Variants in GPR132 observed in about 807,000 individuals in gnomAD.
GPR132 encodes the protein G protein-coupled receptor 132.
A neutral mutation model predicts 1.9 loss-of-function variants in GPR132; 4 were observed. The observed-to-expected ratio is 2.13, with a 90% CI of 1.05 to 4.87. The LOEUF (loss-of-function observed/expected upper bound fraction) is 4.87. Among genes scored for constraint, GPR132 ranks in the 30% most tolerant of loss-of-function variants. The pLI, the probability that GPR132 is intolerant of heterozygous loss-of-function variation, is 0.01. For synonymous variants in GPR132, 233 were observed against 234.2 expected (o/e 0.99, Z 0.05); for missense variants, 404 against 512.5 (o/e 0.79, Z 2.04).
chr14:105,052,822 G>C (rs141140658), intron 3 of GPR132, among the ~76,000 whole-genome samples: 2 of 151,682 alleles, frequency 1.3e-5, no homozygotes, highest in Admixed American at 1.3e-4. Context: ...AGTTGGGCGT[G>C]CTGGCTCGCA....
intron 1 of GPR132, among the ~76,000 whole-genome samples, chr14:105,064,809 G>A (rs1189742643): frequency 2.6e-5 from 4 of 152,128 alleles, no homozygotes; most frequent in African/African-American, 7.2e-5. Context: ...CCCCCGCCCC[G>A]CTGTGCCTGG....
chr14:105,056,291 C>A lies in GPR132; in HGVS notation c.-746-125G>T. On this transcript the variant is annotated intron_variant, in intron 2 of 3. Transcript: ENST00000329797. The surrounding 1 kb of genome is among the most constrained non-coding windows in gnomAD (Gnocchi z 6.0). ...GAAGGCAGTTCTCGGGTGGGAGGCCCAACGCCTGTGTTTGCACTCACTGTT... is the reference window on the plus strand; with the variant it reads ...GAAGGCAGTTCTCGGGTGGGAGGCCAAACGCCTGTGTTTGCACTCACTGTT... 3.3e-6 allele frequency: 1 copy of A among 305,628 alleles called. No individual in the cohort carries two copies. The highest frequency in any genetic ancestry group is 4.8e-6 in the Non-Finnish European group (1 of 208,526). 18.9% of individuals were successfully genotyped at this position (305,628 alleles called of 1,614,324 possible). A position where few individuals can be genotyped will look rare whatever the true frequency, so the allele number is the denominator to read the frequency against.
rs1264396522 is a variant in GPR132 at position 105,056,376 on chromosome 14, T to C, written c.-746-210A>G. ...TGCCCCAGCCCCGCTGTGCGAGTCC[T>C]GAGCTCAGAGGAAGTTTCGGGCCCC... On this transcript the variant is annotated intron_variant, in intron 2 of 3. Coordinates refer to ENST00000329797, the MANE Select transcript of GPR132 (RefSeq NM_013345.4). The surrounding 1 kb of genome is among the most constrained non-coding windows in gnomAD (Gnocchi z 6.0). Among the ~76,000 whole-genome samples, 1 of 152,194 alleles carries C rather than the reference T, an allele frequency of 6.6e-6. No homozygotes were observed. The highest frequency in any genetic ancestry group is 2.4e-5 in the African/African-American group (1 of 41,462).
Position 105,050,012 on chromosome 14 carries a change from T to C in GPR132, c.*982A>G, listed in dbSNP as rs1399116651. 3 of 152,348 alleles carry C rather than the reference T, an allele frequency of 2.0e-5. No individual in the cohort carries two copies. In the East Asian group the frequency reaches 5.8e-4, roughly 30 times the overall value. The allele number at this position is 152,348 out of a possible 1,614,324, so 9.4% of individuals were successfully genotyped here. A position where few individuals can be genotyped will look rare whatever the true frequency, so the allele number is the denominator to read the frequency against. ...CGAGGTGTCGGGGCAGGGAGGAGGA[T>C]TGATCTCGATGGTGACCCAGTGAGG... On this transcript the variant is annotated 3_prime_UTR_variant, in exon 4 of 4. Coordinates refer to ENST00000329797, the MANE Select transcript of GPR132 (RefSeq NM_013345.4). This position sits in a 1 kb window ranked among gnomAD's most constrained non-coding sequence, Gnocchi z 4.0.
rs909231081 is a variant in GPR132 at position 105,056,363 on chromosome 14, G to A, written c.-746-197C>T. 3.9e-5 allele frequency among the ~76,000 whole-genome samples: 6 copies of A among 152,174 alleles called. No homozygotes were observed. Among genetic ancestry groups the A allele is most frequent in the African/African-American group, 1.4e-4 (6 of 41,448 alleles). On this transcript the variant is annotated intron_variant, in intron 2 of 3. Coordinates refer to ENST00000329797, the MANE Select transcript of GPR132 (RefSeq NM_013345.4). This position sits in a 1 kb window ranked among gnomAD's most constrained non-coding sequence, Gnocchi z 6.0. ...CCCATCAAACGAGTGCCCCAGCCCCGCTGTGCGAGTCCTGAGCTCAGAGGA... is the reference window on the plus strand; with the variant it reads ...CCCATCAAACGAGTGCCCCAGCCCCACTGTGCGAGTCCTGAGCTCAGAGGA...
chr14:105,051,875 C>T lies in GPR132; in HGVS notation c.262G>A (p.Glu88Lys). 4.3e-6 allele frequency: 7 copies of T among 1,613,730 alleles called. No individual in the cohort carries two copies. The highest frequency in any genetic ancestry group is 2.2e-5 in the East Asian group (1 of 44,878). ...GGCAGCGTGCCTGTGTACAGCAGCT[C>T]GCAGAGTGCCAGGCAGAGCAGGTAG... is the stretch of plus-strand genomic sequence containing the variant. ...AVYLLCLALC[E>K]LLYTGTLPLW... The change falls in exon 4 of 4, where the codon GAG (glutamate) becomes AAG (lysine). Residue 88 changes from glutamate to lysine, a missense_variant. Glu to Lys is a moderately conservative substitution (Grantham distance 56). Coordinates refer to ENST00000329797, the MANE Select transcript of GPR132 (RefSeq NM_013345.4). This position sits in a 1 kb window ranked among gnomAD's most constrained non-coding sequence, Gnocchi z 8.0.
chr14:105,050,664 A>G lies in GPR132; in HGVS notation c.*330T>C, dbSNP rs1358965177. The stretch of plus-strand genomic sequence containing the variant: ...CGCCACTGATGCGAACAGGGCAGCC[A>G]CCAGGTACCTCTGCCAGCAGGCGTG... On this transcript the variant is annotated 3_prime_UTR_variant, in exon 4 of 4. Transcript: ENST00000329797. This position sits in a 1 kb window ranked among gnomAD's most constrained non-coding sequence, Gnocchi z 4.0. The G allele has an allele frequency of 1.7e-5, 7 of 421,218 alleles. No individual in the cohort carries two copies. Among genetic ancestry groups the G allele is most frequent in the African/African-American group, 1.4e-4 (7 of 50,514 alleles). The allele number at this position is 421,218 out of a possible 1,614,324, so 26.1% of individuals were successfully genotyped here.
At chr14:105,058,145 G>A (rs1460075487) in intron 1 of GPR132, 1 of 152,240 alleles carries the variant, frequency 6.6e-6, no homozygotes, top group Non-Finnish European at 1.5e-5. Context: ...GAGGTGGGAG[G>A]ATAGCTGGAG....
Position 105,050,836 on chromosome 14 carries a change from G to T in GPR132, c.*158C>A. The stretch of plus-strand genomic sequence containing the variant: ...GCCACCTTCCATGTGGGAAAGCCTG[G>T]GGCCAGTGGTCACGGAGGGAGTGGC... On this transcript the variant is annotated 3_prime_UTR_variant, in exon 4 of 4. Coordinates refer to ENST00000329797, the MANE Select transcript of GPR132 (RefSeq NM_013345.4). The surrounding 1 kb of genome is among the most constrained non-coding windows in gnomAD (Gnocchi z 4.0). The T allele has an allele frequency of 1.5e-6, 1 of 684,082 alleles. No individual in the cohort carries two copies. Among genetic ancestry groups the T allele is most frequent in the Non-Finnish European group, 2.4e-6 (1 of 414,358 alleles). The allele number at this position is 684,082 out of a possible 1,614,324, so 42.4% of individuals were successfully genotyped here.
Position 105,051,876 on chromosome 14 carries a change from G to C in GPR132, c.261C>G (p.Cys87Trp). 6.2e-7 allele frequency: 1 copy of C among 1,613,748 alleles called. No individual in the cohort carries two copies. The highest frequency in any genetic ancestry group is 8.5e-7 in the Non-Finnish European group (1 of 1,179,932). ...GCAGCGTGCCTGTGTACAGCAGCTC[G>C]CAGAGTGCCAGGCAGAGCAGGTAGA... The part of the protein sequence containing the change: ...LAVYLLCLAL[C>W]ELLYTGTLPL... The change falls in exon 4 of 4, where the codon TGC becomes TGG. Residue 87 changes from cysteine (C) to tryptophan (W), a missense_variant. Coordinates refer to ENST00000329797, the MANE Select transcript of GPR132 (RefSeq NM_013345.4). The surrounding 1 kb of genome is among the most constrained non-coding windows in gnomAD (Gnocchi z 8.0).
intron 1 of GPR132, among the ~76,000 whole-genome samples, chr14:105,063,394 G>A (rs1267312113): frequency 6.7e-6 from 1 of 148,900 alleles, no homozygotes; most frequent in Non-Finnish European, 1.5e-5. Context: ...TTTTTTTTTA[G>A]GCTGAGTTTC....
intron 3 of GPR132, among the ~76,000 whole-genome samples, 200 bp from the exon 4 acceptor site, chr14:105,052,302 C>T (rs1191387617): frequency 6.6e-6 from 1 of 152,210 alleles, no homozygotes; most frequent in East Asian, 1.9e-4. Context: ...ACAAAGAATG[C>T]AGGCTGGGCA....
intron 3 of GPR132, among the ~76,000 whole-genome samples, chr14:105,053,606 T>TG (rs1886710255): frequency 6.6e-6 from 1 of 152,110 alleles, no homozygotes; most frequent in Admixed American, 6.5e-5. Context: ...TACTGTGAAT[T>TG]GGGGCATAGG....
chr14:105,058,883 T>C (rs1886869001), intron 1 of GPR132, among the ~76,000 whole-genome samples: 1 of 152,230 alleles, frequency 6.6e-6, no homozygotes, highest in Admixed American at 6.5e-5. Context: ...GAGAGCGCCC[T>C]AAACCCATCC....
intron 1 of GPR132, among the ~76,000 whole-genome samples, chr14:105,063,929 T>C (rs1315293378): frequency 6.6e-6 from 1 of 151,860 alleles, no homozygotes; most frequent in Non-Finnish European, 1.5e-5. Context: ...AACCTCCACC[T>C]CCTGGGTTCA....
chr14:105,062,453 G>C (rs1369131492), intron 1 of GPR132, among the ~76,000 whole-genome samples: 1 of 151,736 alleles, frequency 6.6e-6, no homozygotes, highest in Non-Finnish European at 1.5e-5. Context: ...CACTTTCCGT[G>C]CTTCTTCCAT....
intron 3 of GPR132, among the ~76,000 whole-genome samples, chr14:105,053,192 G>T (rs540637121): frequency 1.7e-5 from 2 of 118,348 alleles, no homozygotes; most frequent in African/African-American, 6.8e-5. Context: ...CTCTCCCTCT[G>T]CTCTGTTGCC....
At position 105,053,455 on chromosome 14, in the gene GPR132, C is replaced by T. The variant is rs199971285; in HGVS notation, c.35-1353G>A. ...GATTACAGGCGTGAGCCACTGCGCCCGGCTAATCTGTAGTCTTACCACATA... is the reference window on the plus strand; with the variant it reads ...GATTACAGGCGTGAGCCACTGCGCCTGGCTAATCTGTAGTCTTACCACATA... On this transcript the variant is annotated intron_variant, in intron 3 of 3. Coordinates refer to ENST00000329797, the MANE Select transcript of GPR132 (RefSeq NM_013345.4). 1.8e-3 allele frequency among the ~76,000 whole-genome samples: 275 copies of T among 152,180 alleles called. 1 individual carries two copies. Among genetic ancestry groups the T allele is most frequent in the African/African-American group, 6.3e-3 (262 of 41,510 alleles).
At position 105,061,243 on chromosome 14, in the gene GPR132, T is replaced by C. The variant is rs73365365; in HGVS notation, c.-860-3963A>G. ...CCAGGCTTGGGCGCCGGGGGAGCCCTGCACCAGCCCTTTGCTTATCAGAGC... is the reference window on the plus strand; with the variant it reads ...CCAGGCTTGGGCGCCGGGGGAGCCCCGCACCAGCCCTTTGCTTATCAGAGC... On this transcript the variant is annotated intron_variant, in intron 1 of 3. Coordinates refer to ENST00000329797, the MANE Select transcript of GPR132 (RefSeq NM_013345.4). 1.6e-3 allele frequency among the ~76,000 whole-genome samples: 243 copies of C among 152,370 alleles called. 1 individual carries two copies. The highest frequency in any genetic ancestry group is 5.7e-3 in the African/African-American group (237 of 41,596).
Sources: allele counts gnomAD v4.1 joint callset (sites outside exome capture counted in the v4.1 genomes callset), GRCh38; gene constraint gnomAD v4.1.1; non-coding constraint Gnocchi (gnomAD v3.1); transcripts MANE v1.5; gene names NCBI Gene and HGNC (gene_info 2026-07-23, HGNC 2026-07-21).